DNM3: variants seen among roughly 807,000 people sequenced by gnomAD.
DNM3 encodes the protein dynamin-3.
A neutral mutation model predicts 101.6 loss-of-function variants in DNM3; 47 were observed. The observed-to-expected ratio is 0.46, with a 90% CI of 0.37 to 0.59. DNM3 has a LOEUF of 0.59. Among genes scored for constraint, DNM3 ranks in the 20% least tolerant of loss-of-function variants. The probability of loss-of-function intolerance (pLI) is 0.00; values close to 1 mark genes in which losing one functional copy is unlikely to be tolerated. For synonymous variants in DNM3, 385 were observed against 387.9 expected, an observed-to-expected ratio of 0.99 and a Z score of 0.09; for missense variants, 849 against 1,085.7, an observed-to-expected ratio of 0.78 and a Z score of 3.06.
intron 4 of DNM3, among the ~76,000 whole-genome samples, chr1:172,011,770 C>T (rs1371574341): frequency 6.6e-6 from 1 of 151,948 alleles, no homozygotes; most frequent in African/African-American, 2.4e-5. Flanking sequence ...TTTTTCAAAA[C>T]CAATAGATCC....
At chr1:172,033,061 C>T (rs1449490170) in intron 5 of DNM3, 44 bp from the exon 6 acceptor site, 1 of 1,592,936 alleles carries the variant, frequency 6.3e-7, no homozygotes, top group African/African-American at 1.3e-5. Context: ...TAGAATAAGC[C>T]ACAAAAAGTG....
intron 4 of DNM3, among the ~76,000 whole-genome samples, chr1:171,997,939 T>C (rs1341817918): frequency 6.6e-6 from 1 of 152,178 alleles, no homozygotes; most frequent in African/African-American, 2.4e-5. Context: ...GCAGCATATA[T>C]TAATTCAAGT....
intron 20 of DNM3, among the ~76,000 whole-genome samples, chr1:172,395,056 G>T (rs190227840): frequency 1.1e-3 from 166 of 152,204 alleles, no homozygotes; most frequent in African/African-American, 3.9e-3. Context: ...CGACGTCAAC[G>T]ATTCATGGCA....
chr1:172,344,705 C>G (rs142256708), intron 17 of DNM3, among the ~76,000 whole-genome samples: 91 of 152,306 alleles, frequency 6.0e-4, no homozygotes, highest in African/African-American at 2.0e-3. Context: ...CTACAGGCCT[C>G]TGATTTGCCA....
At chr1:172,248,685 A>G (rs938848018) in intron 14 of DNM3, among the ~76,000 whole-genome samples, 25 of 152,292 alleles carry the variant, frequency 1.6e-4, no homozygotes, top group Middle Eastern at 6.8e-3. Context: ...AAACATGGCA[A>G]TCAGTCTAGA....
chr1:171,939,900 G>A (rs1013814644), intron 2 of DNM3, among the ~76,000 whole-genome samples: 5 of 152,100 alleles, frequency 3.3e-5, no homozygotes, highest in African/African-American at 1.2e-4. Context: ...AGTTGGAGTA[G>A]TCTGGAAGGC....
rs969598777 is a variant in DNM3 at position 172,412,445 on chromosome 1, T to C, written c.*4604T>C. The C allele has an allele frequency of 7.0e-5, 69 of 985,692 alleles. No homozygotes were observed. Among genetic ancestry groups the C allele is most frequent in the Non-Finnish European group, 7.6e-5 (63 of 829,924 alleles). 61.1% of individuals were successfully genotyped at this position (985,692 alleles called of 1,614,324 possible). ...TTGTCTATTTTTACTTTCCCTTTTT[T>C]GGGTCAAATTTTTCTTTTGCTTTGT... is the stretch of plus-strand genomic sequence containing the variant. On this transcript the variant is annotated 3_prime_UTR_variant, in exon 21 of 21. Coordinates refer to ENST00000627582, the MANE Select transcript of DNM3 (RefSeq NM_015569.5).
chr1:171,952,340 T>C (rs1173390615), intron 2 of DNM3, among the ~76,000 whole-genome samples: 1 of 152,234 alleles, frequency 6.6e-6, no homozygotes, highest in African/African-American at 2.4e-5. Flanking sequence ...TTTGATTTTC[T>C]TTAGGATCTG....
intron 15 of DNM3, among the ~76,000 whole-genome samples, chr1:172,259,280 G>A (rs2062546835): frequency 6.6e-6 from 1 of 152,040 alleles, no homozygotes; most frequent in African/African-American, 2.4e-5. Context: ...CTAATATGCA[G>A]TTTAAATCCA....
chr1:172,384,318 G>A (rs968419226), intron 18 of DNM3, among the ~76,000 whole-genome samples: 1 of 152,066 alleles, frequency 6.6e-6, no homozygotes, highest in African/African-American at 2.4e-5. Flanking sequence ...CTCCTGTCTC[G>A]ATGTACCTAA....
chr1:172,331,370 T>C (rs568090393), intron 17 of DNM3, among the ~76,000 whole-genome samples: 2 of 152,300 alleles, frequency 1.3e-5, no homozygotes, highest in South Asian at 2.1e-4. Context: ...AGAATAATTA[T>C]GTAAAATTTA....
At chr1:172,127,969 C>G (rs1465174534) in intron 13 of DNM3, among the ~76,000 whole-genome samples, 1 of 152,158 alleles carries the variant, frequency 6.6e-6, no homozygotes, top group East Asian at 1.9e-4. Context: ...ACTGGCATAG[C>G]TAAAGACACT....
At chr1:172,104,966 T>C (rs2054907477) in intron 13 of DNM3, among the ~76,000 whole-genome samples, 1 of 152,196 alleles carries the variant, frequency 6.6e-6, no homozygotes, top group Non-Finnish European at 1.5e-5. Context: ...TGTTTCCTCA[T>C]TTGCAAAAGG....
chr1:171,890,167 A>G (rs1053222111), intron 1 of DNM3, among the ~76,000 whole-genome samples: 4 of 152,330 alleles, frequency 2.6e-5, no homozygotes, highest in Middle Eastern at 3.4e-3. Context: ...AGTTCTTCAG[A>G]TATCTGTTCT....
intron 15 of DNM3, among the ~76,000 whole-genome samples, chr1:172,285,997 T>TA (rs973922387): frequency 1.3e-5 from 2 of 152,080 alleles, no homozygotes. Flanking sequence ...CCTTCTGGGA[T>TA]AAGATGCTGC....
At chr1:172,008,890 A>G (rs1021630803) in intron 4 of DNM3, among the ~76,000 whole-genome samples, 1 of 138,456 alleles carries the variant, frequency 7.2e-6, no homozygotes, top group African/African-American at 2.6e-5. Context: ...ATATTATATT[A>G]AAATATTAAT....
At chr1:172,172,063 G>A (rs142657233) in intron 14 of DNM3, among the ~76,000 whole-genome samples, 293 of 151,678 alleles carry the variant, frequency 1.9e-3, no homozygotes, top group Admixed American at 3.5e-3. Flanking sequence ...TAAACAGGGT[G>A]CTGTGAGAAG....
chr1:172,247,004 A>T (rs574621724), intron 14 of DNM3, among the ~76,000 whole-genome samples: 33 of 152,272 alleles, frequency 2.2e-4, no homozygotes, highest in African/African-American at 7.7e-4. Context: ...TGAATACTCC[A>T]TGGTATCTCA....
intron 4 of DNM3, among the ~76,000 whole-genome samples, chr1:172,007,447 G>A (rs570139510): frequency 6.6e-6 from 1 of 152,222 alleles, no homozygotes; most frequent in African/African-American, 2.4e-5. Context: ...TTTGTGAAAT[G>A]TCTGTTCAAA....
Sources: gnomAD v4.1 joint callset for allele counts (sites outside exome capture counted in the v4.1 genomes callset) on GRCh38, gnomAD v4.1.1 for gene constraint, MANE v1.5 for transcripts, NCBI Gene and HGNC (gene_info 2026-07-23, HGNC 2026-07-21) for gene names.